DHRS4L2: variants seen among roughly 807,000 people sequenced by gnomAD.
DHRS4L2 encodes dehydrogenase/reductase 4 like 2.
A neutral mutation model predicts 23.9 loss-of-function variants in DHRS4L2; 22 were observed. That is an observed-to-expected ratio of 0.92 (90% CI 0.66 to 1.31). The LOEUF is 1.31. Among genes scored for constraint, DHRS4L2 ranks in the 40% most tolerant of loss-of-function variants. The pLI is 0.00. For missense variants in DHRS4L2, 385 were observed against 303.3 expected, an observed-to-expected ratio of 1.27 and a Z score of -2.00; for synonymous variants, 141 against 123.7, an observed-to-expected ratio of 1.14 and a Z score of -0.93.
intron 1 of DHRS4L2, among the ~76,000 whole-genome samples, chr14:23,975,613 G>A (rs1176369712): frequency 6.6e-6 from 1 of 151,750 alleles, no homozygotes; most frequent in African/African-American, 2.4e-5. Context: ...AAAAGAGCCA[G>A]TATAGCCAAG....
intron 1 of DHRS4L2, among the ~76,000 whole-genome samples, chr14:23,972,011 C>A (rs549078331): frequency 1.3e-5 from 2 of 152,058 alleles, no homozygotes; most frequent in African/African-American, 4.8e-5. Context: ...GATAAATGCC[C>A]CAATTAAAAG....
intron 1 of DHRS4L2, among the ~76,000 whole-genome samples, chr14:23,976,167 G>C (rs2033959554): frequency 1.3e-5 from 2 of 151,710 alleles, no homozygotes; most frequent in African/African-American, 4.8e-5. Context: ...AGAGTGAAAA[G>C]GCAACCTACA....
intron 7 of DHRS4L2, 72 bp downstream of exon 7, chr14:24,004,464 C>T: frequency 1.3e-6 from 2 of 1,535,112 alleles, no homozygotes; most frequent in Non-Finnish European, 1.8e-6. Context: ...CAGCCCACAG[C>T]CCGCTGTCTC....
Position 23,982,000 on chromosome 14 carries a change from C to T in DHRS4L2, c.-175-8182C>T, listed in dbSNP as rs1338137305. Among the ~76,000 whole-genome samples, 4 of 151,650 alleles carry T rather than the reference C, an allele frequency of 2.6e-5. No homozygotes were observed. In the South Asian group the frequency reaches 8.4e-4, roughly 32 times the overall value. On this transcript the variant is annotated intron_variant, in intron 1 of 5. Coordinates refer to the DHRS4L2 transcript ENST00000534993. ...TCAGTTCCCAGGGGCAGGCAGGAGA[C>T]AGTGGCCTTCCTCTATCTCAACTGC...
rs151062129 is a variant in DHRS4L2, at chr14:23,989,026, C to G, written c.79C>G (p.Arg27Gly). The change falls in exon 1 of 8, where the codon CGG (arginine) becomes GGG (glycine). Residue 27 changes from arginine (R) to glycine (G), a missense_variant. Coordinates refer to ENST00000335125, the MANE Select transcript of DHRS4L2 (RefSeq NM_198083.4). ...VRMASSRMTR[R>G]DPLTNKVALV... ...GATGGCCAGCTCCAGGATGACCCGC[C>G]GGGACCCGCTCACAAATAAGGTGGC... 6.2e-6 allele frequency: 10 copies of G among 1,605,082 alleles called. No individual in the cohort carries two copies. The South Asian group carries it at 1.1e-4, about 18-fold the overall frequency.
chr14:23,994,206 G>A (rs56166780), intron 2 of DHRS4L2, among the ~76,000 whole-genome samples: 3,305 of 151,604 alleles, frequency 0.022, 95 homozygotes, highest in Middle Eastern at 0.054. Context: ...AACTTATTCA[G>A]GGAGAACTGG....
intron 2 of DHRS4L2, chr14:23,990,672 A>G: frequency 1.8e-6 from 2 of 1,138,928 alleles, no homozygotes; most frequent in Non-Finnish European, 2.2e-6. Flanking sequence ...TGAGCTAATA[A>G]ACATTCCCCT....
intron 3 of DHRS4L2, among the ~76,000 whole-genome samples, chr14:23,999,984 C>T (rs1474571532): frequency 7.2e-6 from 1 of 138,520 alleles, no homozygotes; most frequent in African/African-American, 3.1e-5. Context: ...CATGAGCCAC[C>T]ATGCCCAGCC....
intron 2 of DHRS4L2, among the ~76,000 whole-genome samples, chr14:23,993,132 C>T (rs1278497948): frequency 6.6e-6 from 1 of 150,786 alleles, no homozygotes; most frequent in East Asian, 1.9e-4. Context: ...TTGTCTCCTC[C>T]CAGCCCAAAC....
rs1423278820 is a variant in DHRS4L2 at position 23,995,167 on chromosome 14, C to T, written c.408+34C>T. On this transcript the variant is annotated intron_variant, in intron 3 of 7. Transcript: ENST00000335125. Reference sequence around the variant, plus strand: ...GGATTAAAGAAGCGCGGAAGGGGGCCTCGGGACACATTCAGCACAAACTCC... The same window carrying T: ...GGATTAAAGAAGCGCGGAAGGGGGCTTCGGGACACATTCAGCACAAACTCC... 71 of 1,605,086 alleles carry T rather than the reference C, an allele frequency of 4.4e-5. 2 individuals carry two copies. The highest frequency in any genetic ancestry group is 6.1e-5 in the Non-Finnish European group (71 of 1,172,670).
intron 1 of DHRS4L2, among the ~76,000 whole-genome samples, chr14:23,976,202 T>C (rs1001684529): frequency 6.6e-6 from 1 of 151,780 alleles, no homozygotes; most frequent in Non-Finnish European, 1.5e-5. Context: ...TCTTGCAATC[T>C]ATCCATCTGA....
At chr14:23,986,789 T>G (rs1411005506), upstream of DHRS4L2, among the ~76,000 whole-genome samples, 3 of 151,110 alleles carry the variant, frequency 2.0e-5, no homozygotes, top group Non-Finnish European at 4.4e-5. Context: ...CCCGCAGCAG[T>G]CCTCCTGTGT....
chr14:23,970,255 A>C lies in DHRS4L2; in HGVS notation c.-253A>C, dbSNP rs1476139347. ...ACACCCCGCTACCCCAAGCATCCAGACTCTAAGGCAGCCCCTGCATCTCAG... is the reference window on the plus strand; with the variant it reads ...ACACCCCGCTACCCCAAGCATCCAGCCTCTAAGGCAGCCCCTGCATCTCAG... On this transcript the variant is annotated 5_prime_UTR_variant, in exon 1 of 6. Transcript: ENST00000534993. 78 of 449,608 alleles carry C rather than the reference A, an allele frequency of 1.7e-4. 1 individual carries two copies. The highest frequency in any genetic ancestry group is 3.1e-4 in the Non-Finnish European group (69 of 225,842). The allele number at this position is 449,608 out of a possible 1,614,324, so 27.9% of individuals were successfully genotyped here. A position where few individuals can be genotyped will look rare whatever the true frequency, so the allele number is the denominator to read the frequency against.
chr14:23,972,556 C>T (rs370592294), intron 1 of DHRS4L2, among the ~76,000 whole-genome samples: 9 of 151,830 alleles, frequency 5.9e-5, no homozygotes, highest in East Asian at 1.9e-4. Context: ...GGGACCCAAG[C>T]GGGTTGCTAC....
At chr14:23,984,237 A>T (rs937825450), upstream of DHRS4L2, among the ~76,000 whole-genome samples, 2 of 151,544 alleles carry the variant, frequency 1.3e-5, no homozygotes, top group African/African-American at 4.8e-5. Flanking sequence ...AAGGTAAAAG[A>T]ACCATAGGGA....
chr14:23,972,988 C>G lies in DHRS4L2; in HGVS notation c.-176+2656C>G, dbSNP rs1336566157. Among the ~76,000 whole-genome samples, 5 of 151,966 alleles carry G rather than the reference C, an allele frequency of 3.3e-5. No homozygotes were observed. In the East Asian group the frequency reaches 7.7e-4, roughly 23 times the overall value. On this transcript the variant is annotated intron_variant, in intron 1 of 5. Transcript: ENST00000534993. ...GCTGCAAACATGTCTCGCCTCCCAC[C>G]ATAGGGCAGTTTTTCTCTCATTTCA... is the stretch of plus-strand genomic sequence containing the variant.
chr14:23,974,451 A>C (rs375572865), intron 1 of DHRS4L2, among the ~76,000 whole-genome samples: 1 of 151,800 alleles, frequency 6.6e-6, no homozygotes, highest in Admixed American at 6.5e-5. Context: ...TCAAAGGATC[A>C]ATGAATCCAG....
chr14:23,999,477 T>G (rs1701923756), intron 3 of DHRS4L2, among the ~76,000 whole-genome samples: 1 of 150,298 alleles, frequency 6.7e-6, no homozygotes, highest in African/African-American at 2.4e-5. Context: ...TAATGGCTGA[T>G]CCTTGATTGA....
intron 2 of DHRS4L2, among the ~76,000 whole-genome samples, chr14:23,991,296 G>C (rs140157276): frequency 1.3e-5 from 2 of 151,740 alleles, no homozygotes; most frequent in African/African-American, 4.8e-5. Flanking sequence ...CCAAATATGA[G>C]TCCAAGAAAG....
Sources: gnomAD v4.1 joint callset for allele counts (sites outside exome capture counted in the v4.1 genomes callset) on GRCh38, gnomAD v4.1.1 for gene constraint, MANE v1.5 for transcripts, NCBI Gene and HGNC (gene_info 2026-07-23, HGNC 2026-07-21) for gene names.